The following VTI1A variants were observed in gnomAD, a reference collection of about 807,000 sequenced individuals.
The protein encoded by VTI1A is vesicle transport through interaction with t-SNAREs homolog 1A.
Under a neutral mutation model 34.9 loss-of-function variants are expected in VTI1A, and 22 were observed. The observed-to-expected ratio is 0.63, with a 90% CI of 0.45 to 0.90. VTI1A has a LOEUF of 0.90. VTI1A is among the 40% of genes least tolerant of loss of function. The probability of loss-of-function intolerance (pLI) is 0.00; values close to 1 mark genes in which losing one functional copy is unlikely to be tolerated. For synonymous variants in VTI1A, 87 were observed against 97.3 expected (o/e 0.89, Z 0.62); for missense variants, 268 against 275.6 (o/e 0.97, Z 0.20).
chr10:112,453,406 C>T (rs558371145), intron 1 of VTI1A, among the ~76,000 whole-genome samples: 224 of 152,270 alleles, frequency 1.5e-3, no homozygotes, highest in African/African-American at 5.1e-3. Context: ...TGGAGAGTTA[C>T]ACTCTACCTC....
chr10:112,757,394 G>T (rs12763456), intron 7 of VTI1A, among the ~76,000 whole-genome samples: 41,995 of 113,918 alleles, frequency 0.37, 7,939 homozygotes, highest in East Asian at 0.51. Flanking sequence ...GGAGACATAG[G>T]CTTGCTCCAT....
At chr10:112,544,723 C>G (rs1851010285) in intron 5 of VTI1A, among the ~76,000 whole-genome samples, 1 of 151,996 alleles carries the variant, frequency 6.6e-6, no homozygotes, top group Non-Finnish European at 1.5e-5. Flanking sequence ...TTGAATGGTA[C>G]CAAGATGCCA....
chr10:112,488,451 C>T (rs1275833760), intron 3 of VTI1A, among the ~76,000 whole-genome samples: 1 of 148,894 alleles, frequency 6.7e-6, no homozygotes, highest in Non-Finnish European at 1.5e-5. Context: ...TAAAATGCCT[C>T]TGTTATTCTT....
chr10:112,710,063 T>C (rs1849356018), intron 7 of VTI1A, among the ~76,000 whole-genome samples: 1 of 149,026 alleles, frequency 6.7e-6, no homozygotes, highest in Non-Finnish European at 1.5e-5. Flanking sequence ...GGTTAACTCC[T>C]GGAGAACAAG....
At chr10:112,755,680 C>T (rs966654050) in intron 7 of VTI1A, among the ~76,000 whole-genome samples, 1 of 152,160 alleles carries the variant, frequency 6.6e-6, no homozygotes, top group Middle Eastern at 3.2e-3. Context: ...GTTTCAAGTA[C>T]TGACCAGATA....
chr10:112,540,066 G>T (rs1271911796), intron 5 of VTI1A, among the ~76,000 whole-genome samples: 1 of 152,114 alleles, frequency 6.6e-6, no homozygotes, highest in Non-Finnish European at 1.5e-5. Flanking sequence ...GACTCAGGGG[G>T]TCTTCTCGTC....
intron 1 of VTI1A, chr10:112,450,733 G>A (rs1371852139): frequency 6.6e-6 from 1 of 152,132 alleles, no homozygotes; most frequent in African/African-American, 2.4e-5. Flanking sequence ...TAAAGTGTTT[G>A]AATCTTAACT....
At chr10:112,637,451 G>A (rs1171816394) in intron 5 of VTI1A, among the ~76,000 whole-genome samples, 4 of 152,102 alleles carry the variant, frequency 2.6e-5, no homozygotes, top group Admixed American at 6.5e-5. Context: ...GGCGGATCAC[G>A]AGGTCAAGAG....
At chr10:112,657,979 G>A (rs942599823) in intron 5 of VTI1A, among the ~76,000 whole-genome samples, 1 of 152,120 alleles carries the variant, frequency 6.6e-6, no homozygotes, top group Admixed American at 6.5e-5. Context: ...GGAGACTTAG[G>A]ATCATGGTTG....
intron 5 of VTI1A, among the ~76,000 whole-genome samples, chr10:112,627,013 A>G (rs1053681966): frequency 5.3e-5 from 8 of 152,202 alleles, no homozygotes; most frequent in Non-Finnish European, 8.8e-5. Context: ...AAACTTATCT[A>G]ATGTTTATTA....
At chr10:112,702,579 C>T (rs957779940) in intron 7 of VTI1A, among the ~76,000 whole-genome samples, 1 of 151,542 alleles carries the variant, frequency 6.6e-6, no homozygotes, top group South Asian at 2.1e-4. Context: ...GCCACCACAC[C>T]CAGCTAATTT....
At chr10:112,695,485 C>T (rs1242991642) in intron 7 of VTI1A, among the ~76,000 whole-genome samples, 1 of 152,116 alleles carries the variant, frequency 6.6e-6, no homozygotes, top group Non-Finnish European at 1.5e-5. Context: ...AAAAGGGAAG[C>T]AGTGCTAATA....
chr10:112,644,066 G>A (rs982234143), intron 5 of VTI1A, among the ~76,000 whole-genome samples: 4 of 151,934 alleles, frequency 2.6e-5, no homozygotes, highest in African/African-American at 4.8e-5. Flanking sequence ...TTGATGTCTC[G>A]GCTTTGCTAT....
chr10:112,819,440 G>C (rs1290960907), downstream of VTI1A, among the ~76,000 whole-genome samples: 2 of 152,122 alleles, frequency 1.3e-5, 1 homozygote, highest in African/African-American at 4.8e-5. Context: ...TTCCCCTTTG[G>C]CTGGGTGTGT....
chr10:112,684,233 G>A (rs772913933), intron 7 of VTI1A, among the ~76,000 whole-genome samples: 21 of 151,924 alleles, frequency 1.4e-4, no homozygotes, highest in African/African-American at 4.1e-4. Flanking sequence ...AAGAGTAAAC[G>A]GAAAGTGTTT....
At chr10:112,601,898 A>G (rs1844894911) in intron 5 of VTI1A, among the ~76,000 whole-genome samples, 1 of 152,212 alleles carries the variant, frequency 6.6e-6, no homozygotes, top group African/African-American at 2.4e-5. Context: ...GATTACAACT[A>G]GGGTCCCTTA....
intron 1 of VTI1A, chr10:112,449,734 CAA>C (rs978878926): frequency 9.2e-5 from 14 of 151,994 alleles, no homozygotes; most frequent in Non-Finnish European, 1.5e-4. Flanking sequence ...GCCTGGGCGA[CAA>C]GAGCGAAACT....
intron 5 of VTI1A, among the ~76,000 whole-genome samples, chr10:112,615,159 C>G (rs1845469372): frequency 6.6e-6 from 1 of 152,128 alleles, no homozygotes; most frequent in Non-Finnish European, 1.5e-5. Flanking sequence ...ATGATATTGA[C>G]TTTCTGGAAG....
intron 7 of VTI1A, among the ~76,000 whole-genome samples, chr10:112,682,922 G>A (rs1202085471): frequency 2.0e-5 from 3 of 152,230 alleles, no homozygotes; most frequent in African/African-American, 4.8e-5. Context: ...TGGAGGGGGT[G>A]CCATTCTTTC....
Sources: gnomAD v4.1 joint callset for allele counts (sites outside exome capture counted in the v4.1 genomes callset) on GRCh38, gnomAD v4.1.1 for gene constraint, MANE v1.5 for transcripts, NCBI Gene and HGNC (gene_info 2026-07-23, HGNC 2026-07-21) for gene names.